MYT1: variants seen among roughly 807,000 people sequenced by gnomAD.
The protein encoded by MYT1 is myelin transcription factor I.
MYT1 carries 23 observed loss-of-function variants against 123.0 expected under a neutral mutation model. The ratio of observed to expected loss-of-function variants is 0.19; its 90% CI spans 0.13 to 0.26. MYT1 has a LOEUF of 0.26. Among genes scored for constraint, MYT1 ranks in the 10% least tolerant of loss-of-function variants. MYT1 has a pLI of 1.00. For synonymous variants in MYT1, 518 were observed against 575.3 expected (o/e 0.90, Z 1.43); for missense variants, 1,125 against 1,472.5 (o/e 0.76, Z 3.86).
At chr20:64,194,862 G>C (rs1983062042) in intron 2 of MYT1, among the ~76,000 whole-genome samples, 1 of 152,136 alleles carries the variant, frequency 6.6e-6, no homozygotes, top group Non-Finnish European at 1.5e-5. Context: ...TTAGACACGA[G>C]TGGTTTGTTA....
chr20:64,235,101 T>C (rs1305644291), intron 19 of MYT1, among the ~76,000 whole-genome samples: 54 of 131,478 alleles, frequency 4.1e-4, no homozygotes, highest in South Asian at 1.1e-3. Flanking sequence ...GGGATGGCCG[T>C]GGTGGGTGAC....
rs562433661 is a variant in MYT1 at position 64,193,645 on chromosome 20, A to G, written c.-1+3485A>G. Among the ~76,000 whole-genome samples, 7 of 152,086 alleles carry G rather than the reference A, an allele frequency of 4.6e-5. No individual in the cohort carries two copies. The highest frequency in any genetic ancestry group is 1.7e-4 in the African/African-American group (7 of 41,492). On this transcript the variant is annotated intron_variant, in intron 2 of 22. Transcript: ENST00000328439. The surrounding 1 kb of genome is among the most constrained non-coding windows in gnomAD (Gnocchi z 4.0). ...GAGCCAGGCAGGGTAGGGGACAGCC[A>G]GTTTCTGGCCACCTCCTCACCCCCC... is the stretch of plus-strand genomic sequence containing the variant.
chr20:64,177,741 T>C (rs1982512669), intron 1 of MYT1, among the ~76,000 whole-genome samples: 1 of 148,670 alleles, frequency 6.7e-6, no homozygotes, highest in Non-Finnish European at 1.5e-5. Flanking sequence ...CAGGGGCAAA[T>C]GTGGGGGGTC....
rs371384703 is a variant in MYT1 at position 64,205,726 on chromosome 20, C to G, written c.323C>G (p.Ser108Trp). The change falls in exon 6 of 23, where the codon TCG becomes TGG. Residue 108 changes from serine (S) to tryptophan (W), a missense_variant. Around this residue, in one of 4 missense-constraint regions of MYT1, gnomAD observed 406 missense variants for 432.2 expected, o/e 0.94. Transcript: ENST00000328439. ...EVKDASVSDE[S>W]EGTLEGAEAE... ...AAGGACGCCTCTGTTTCGGATGAAT[C>G]GGAAGGAACTCTGGAGGGGGCCGAG... 6.2e-7 allele frequency: 1 copy of G among 1,614,020 alleles called. No homozygotes were observed. Among genetic ancestry groups the G allele is most frequent in the Admixed American group, 1.7e-5 (1 of 60,010 alleles).
chr20:64,170,321 TG>T (rs1033107599), intron 1 of MYT1, among the ~76,000 whole-genome samples: 5 of 152,156 alleles, frequency 3.3e-5, no homozygotes, highest in African/African-American at 9.7e-5. Context: ...ATCAGACTGA[TG>T]GGTATCCCTG....
Position 64,219,761 on chromosome 20 carries a change from C to G in MYT1, c.2020C>G (p.His674Asp), listed in dbSNP as rs1983942537. The G allele has an allele frequency of 6.2e-7, 1 of 1,614,032 alleles. No homozygotes were observed. The highest frequency in any genetic ancestry group is 1.3e-5 in the African/African-American group (1 of 74,946). The stretch of plus-strand genomic sequence containing the variant: ...AAATGGAACCCTGGACTTGAGCATG[C>G]ACAAACACCGCAAACGAGAAAATGC... ...DENGTLDLSM[H>D]KHRKRENAFP... The change falls in exon 13 of 23, where the codon CAC (histidine) becomes GAC (aspartate). Residue 674 changes from histidine to aspartate, a missense_variant. His to Asp is a moderately conservative substitution (Grantham distance 81, BLOSUM62 -1). Coordinates refer to ENST00000328439, the MANE Select transcript of MYT1 (RefSeq NM_004535.3).
rs977550142 is a variant in MYT1 at position 64,202,319 on chromosome 20, C to T, written c.86+2397C>T. On this transcript the variant is annotated intron_variant, in intron 4 of 22. Coordinates refer to ENST00000328439, the MANE Select transcript of MYT1 (RefSeq NM_004535.3). The surrounding 1 kb of genome is among the most constrained non-coding windows in gnomAD (Gnocchi z 5.0). ...CGAAGAAGCAGTTTGATGGTTTTTC[C>T]TTTCACCCCATCGGGAGAACTGATG... 6.6e-6 allele frequency among the ~76,000 whole-genome samples: 1 copy of T among 152,166 alleles called. No homozygotes were observed. The highest frequency in any genetic ancestry group is 1.5e-5 in the Non-Finnish European group (1 of 68,030).
At position 64,211,330 on chromosome 20, in the gene MYT1, C is replaced by T. The variant is rs770429678; in HGVS notation, c.1416C>T (p.Ile472=). The change falls in exon 8 of 23, where the codon ATC becomes ATT. Residue 472 remains isoleucine (I), a synonymous_variant. Transcript: ENST00000328439. ...SLSGCPHKDR[I]PPEILAMHEN... is the part of the protein sequence containing the mutation. ...CTGGCTGTCCCCACAAGGATAGGAT[C>T]CCCCCAGAGAGTGAGTAGCTCTGTG... The T allele has an allele frequency of 1.2e-5, 20 of 1,613,090 alleles. 1 individual carries two copies. Among genetic ancestry groups the T allele is most frequent in the Non-Finnish European group, 1.4e-5 (16 of 1,179,306 alleles).
intron 1 of MYT1, among the ~76,000 whole-genome samples, chr20:64,169,697 G>A (rs368436429): frequency 1.3e-4 from 20 of 152,168 alleles, no homozygotes; most frequent in African/African-American, 4.6e-4. Context: ...ATTTGAAATT[G>A]GGACGACTTA....
chr20:64,185,659 G>C lies in MYT1; in HGVS notation c.-98-4404G>C, dbSNP rs76608221. On this transcript the variant is annotated intron_variant, in intron 1 of 22. Transcript: ENST00000328439. The surrounding 1 kb of genome is among the most constrained non-coding windows in gnomAD (Gnocchi z 4.5). ...CCCAGGGGATGCACCATGGGGGCAG[G>C]TGGGCTCAGGCCAGATTCCAGGCTA... Among the ~76,000 whole-genome samples, 1 of 152,178 alleles carries C rather than the reference G, an allele frequency of 6.6e-6. No individual in the cohort carries two copies. The highest frequency in any genetic ancestry group is 1.5e-5 in the Non-Finnish European group (1 of 68,030).
rs184760 is a variant in MYT1 at position 64,225,157 on chromosome 20, C to T, written c.2528+1798C>T. ...GGGAGGCCACTTCCTTTCCTCCCTC[C>T]GACCACTGCATGAGCTTGGGACGAT... On this transcript the variant is annotated intron_variant, in intron 16 of 22. Coordinates refer to ENST00000328439, the MANE Select transcript of MYT1 (RefSeq NM_004535.3). 4.2e-3 allele frequency among the ~76,000 whole-genome samples: 643 copies of T among 152,312 alleles called. 7 individuals are homozygous for T. The highest frequency in any genetic ancestry group is 0.015 in the African/African-American group (609 of 41,562).
At chr20:64,207,535 G>A (rs528234024) in intron 6 of MYT1, 59 bp from the exon 7 acceptor site, 61 of 1,565,394 alleles carry the variant, frequency 3.9e-5, no homozygotes, top group Non-Finnish European at 1.7e-5. Flanking sequence ...TTGGGGACTG[G>A]AGACCTGGAG....
chr20:64,217,426 G>A (rs770879517), intron 11 of MYT1, 145 bp downstream of exon 11: 87 of 892,766 alleles, frequency 9.7e-5, no homozygotes, highest in Non-Finnish European at 6.9e-6. Flanking sequence ...ATGCAGGCTG[G>A]AGGTCTCAGC....
chr20:64,221,067 G>A (rs988373807), intron 13 of MYT1, among the ~76,000 whole-genome samples: 2 of 152,196 alleles, frequency 1.3e-5, no homozygotes. Context: ...TCCGAAGACT[G>A]TTATTATGCT....
chr20:64,167,305 G>T lies in MYT1; in HGVS notation c.-99+2566G>T, dbSNP rs150182686. On this transcript the variant is annotated intron_variant, in intron 1 of 22. Coordinates refer to ENST00000328439, the MANE Select transcript of MYT1 (RefSeq NM_004535.3). This position sits in a 1 kb window ranked among gnomAD's most constrained non-coding sequence, Gnocchi z 6.3. ...GGTGGGGGCTGAGCTCTTCCTGGACGGACTCAGTGCAAAAGGTGCGTCTAC... is the reference window on the plus strand; with the variant it reads ...GGTGGGGGCTGAGCTCTTCCTGGACTGACTCAGTGCAAAAGGTGCGTCTAC... 4.2e-3 allele frequency among the ~76,000 whole-genome samples: 640 copies of T among 152,310 alleles called. 3 individuals carry two copies. Among genetic ancestry groups the T allele is most frequent in the African/African-American group, 0.015 (618 of 41,566 alleles).
At chr20:64,169,075 C>A (rs184311311) in intron 1 of MYT1, among the ~76,000 whole-genome samples, 90 of 152,280 alleles carry the variant, frequency 5.9e-4, no homozygotes, top group African/African-American at 2.1e-3. Context: ...GAAGAGGGGG[C>A]CCTGGGTCAA....
At chr20:64,205,007 G>A (rs1354178014) in intron 4 of MYT1, 28 bp from the exon 5 acceptor site, 2 of 1,612,722 alleles carry the variant, frequency 1.2e-6, no homozygotes, top group South Asian at 2.2e-5. Flanking sequence ...ATCGCCTGAT[G>A]TGGCCTTGCC....
rs1237653489 is a variant in MYT1 at position 64,212,165 on chromosome 20, G to GGGGGCCAGGGTGGGGGCCGTGGTA, written c.1517+50_1517+51insAGGGGCCAGGGTGGGGGCCGTGGT. On this transcript the variant is annotated intron_variant, in intron 9 of 22. Coordinates refer to ENST00000328439, the MANE Select transcript of MYT1 (RefSeq NM_004535.3). This position sits in a 1 kb window ranked among gnomAD's most constrained non-coding sequence, Gnocchi z 6.8. ...TACTTGGACTGAGCTGGGCCGTAGTGGGGGCCAGGGTGGGGGCCGTGGTGG... is the reference window on the plus strand; with the variant it reads ...TACTTGGACTGAGCTGGGCCGTAGTGGGGGCCAGGGTGGGGGCCGTGGTAGGGGCCAGGGTGGGGGCCGTGGTGG... 1.4e-6 allele frequency: 2 copies of GGGGGCCAGGGTGGGGGCCGTGGTA among 1,390,722 alleles called. No homozygotes were observed. The highest frequency in any genetic ancestry group is 9.6e-7 in the Non-Finnish European group (1 of 1,043,252). The allele number at this position is 1,390,722 out of a possible 1,614,324, so 86.1% of individuals were successfully genotyped here.
chr20:64,228,023 G>C (rs552306790), intron 18 of MYT1, 52 bp downstream of exon 18: 5 of 1,564,570 alleles, frequency 3.2e-6, no homozygotes, highest in South Asian at 1.1e-5. Flanking sequence ...TGAGATTTTC[G>C]TGTGTTTTAT....
Sources: allele counts gnomAD v4.1 joint callset (sites outside exome capture counted in the v4.1 genomes callset), GRCh38; gene constraint gnomAD v4.1.1; regional missense constraint gnomAD v4.1.1; non-coding constraint Gnocchi (gnomAD v3.1); transcripts MANE v1.5; gene names NCBI Gene and HGNC (gene_info 2026-07-23, HGNC 2026-07-21).